The following LYPD6 variants were observed in gnomAD, a reference collection of about 807,000 sequenced individuals.
LYPD6 encodes the protein ly6/PLAUR domain-containing protein 6.
In LYPD6, 15 loss-of-function variants were observed where a neutral mutation model predicts 22.7. That is an observed-to-expected ratio of 0.66 (90% CI 0.44 to 1.02). LYPD6 has a LOEUF of 1.02. Ranked by LOEUF, LYPD6 falls within the 50% of genes least tolerant of loss-of-function variation. The pLI, the probability that LYPD6 is intolerant of heterozygous loss-of-function variation, is 0.00. For missense variants in LYPD6, 189 were observed against 208.4 expected (o/e 0.91, Z 0.57); for synonymous variants, 72 against 77.5 (o/e 0.93, Z 0.37).
chr2:149,357,607 A>G (rs1003961177), intron 1 of LYPD6, among the ~76,000 whole-genome samples: 3 of 152,152 alleles, frequency 2.0e-5, no homozygotes, highest in Admixed American at 6.5e-5. Flanking sequence ...TAATCTCACT[A>G]CAGCATGAAC....
chr2:149,480,854 AAAGT>A, the LYPD6 span, among the ~76,000 whole-genome samples: 2 of 152,172 alleles, frequency 1.3e-5, no homozygotes, highest in African/African-American at 4.8e-5. Context: ...GTCATGGAGC[AAAGT>A]AAGAATATAA....
intron 1 of LYPD6, among the ~76,000 whole-genome samples, chr2:149,402,416 C>A (rs1384123556): frequency 6.6e-6 from 1 of 152,152 alleles, no homozygotes; most frequent in Non-Finnish European, 1.5e-5. Context: ...AGTGGGATTG[C>A]TGGATCAAAT....
chr2:149,435,419 C>A (rs1252207497), intron 1 of LYPD6, among the ~76,000 whole-genome samples: 1 of 152,216 alleles, frequency 6.6e-6, no homozygotes, highest in East Asian at 1.9e-4. Flanking sequence ...GACTCTCAAA[C>A]TGAGCCCTGC....
chr2:149,452,037 T>C (rs1006309763), intron 3 of LYPD6, among the ~76,000 whole-genome samples: 8 of 152,134 alleles, frequency 5.3e-5, no homozygotes, highest in African/African-American at 1.9e-4. Flanking sequence ...GCTGAGAAGA[T>C]TGCAGTAGCT....
chr2:149,381,392 C>T (rs568510161), intron 1 of LYPD6, among the ~76,000 whole-genome samples: 1 of 152,056 alleles, frequency 6.6e-6, no homozygotes, highest in Admixed American at 6.6e-5. Flanking sequence ...GGTCTGTTGA[C>T]GAGGTGGCCC....
intron 3 of LYPD6, among the ~76,000 whole-genome samples, chr2:149,453,501 T>C (rs1434542356): frequency 1.5e-4 from 23 of 152,228 alleles, no homozygotes; most frequent in Non-Finnish European, 1.8e-4. Flanking sequence ...ACTGCTGATA[T>C]ATAATCAGAA....
intron 1 of LYPD6, among the ~76,000 whole-genome samples, chr2:149,397,397 A>G (rs1682450493): frequency 6.6e-6 from 1 of 152,168 alleles, no homozygotes; most frequent in Admixed American, 6.5e-5. Flanking sequence ...CTGCTAACTC[A>G]AGGTTCCCAG....
intron 4 of LYPD6, among the ~76,000 whole-genome samples, chr2:149,469,747 A>G (rs901268633): frequency 2.0e-5 from 3 of 152,132 alleles, no homozygotes; most frequent in Non-Finnish European, 4.4e-5. Context: ...ACCAAGGAGA[A>G]AGTTAAGGAT....
chr2:149,442,854 T>C (rs1683598901), intron 2 of LYPD6, among the ~76,000 whole-genome samples: 1 of 152,154 alleles, frequency 6.6e-6, no homozygotes, highest in African/African-American at 2.4e-5. Flanking sequence ...CACTAATTGG[T>C]ATTTCCTGCC....
At chr2:149,470,587 T>TG in intron 4 of LYPD6, 96 bp from the exon 5 acceptor site, 1 of 1,031,698 alleles carries the variant, frequency 9.7e-7, no homozygotes. Context: ...AATTTTTACT[T>TG]GCATCTTGCC....
At position 149,458,193 on chromosome 2, in the gene LYPD6, G is replaced by T. The variant is rs1681008697; in HGVS notation, c.217+9046G>T. On this transcript the variant is annotated intron_variant, in intron 3 of 4. Transcript: ENST00000334166. ...TCTGCTTGGGATTGTGTCAGAGAAG[G>T]ACAAGTAAAGGTGACACTTGTCCCT... Among the ~76,000 whole-genome samples, 2 of 152,128 alleles carry T rather than the reference G, an allele frequency of 1.3e-5. 1 individual carries two copies. The highest frequency in any genetic ancestry group is 4.1e-4 in the South Asian group (2 of 4,826).
intron 1 of LYPD6, among the ~76,000 whole-genome samples, chr2:149,403,101 G>A (rs2105111289): frequency 6.6e-6 from 1 of 152,162 alleles, no homozygotes; most frequent in East Asian, 1.9e-4. Context: ...CGGTGTATAT[G>A]TGCCACATTT....
At chr2:149,392,301 C>T (rs952576878) in intron 1 of LYPD6, among the ~76,000 whole-genome samples, 3 of 152,178 alleles carry the variant, frequency 2.0e-5, no homozygotes, top group African/African-American at 7.2e-5. Flanking sequence ...CAGTACATAG[C>T]ATAATGGTGG....
chr2:149,434,919 CAAAA>C (rs1207533236), intron 1 of LYPD6, among the ~76,000 whole-genome samples: 10 of 151,318 alleles, frequency 6.6e-5, no homozygotes, highest in African/African-American at 2.4e-4. Flanking sequence ...ACCTAAAAAA[CAAAA>C]CAACAACAAC....
chr2:149,342,488 T>G (rs1404882248), intron 1 of LYPD6, among the ~76,000 whole-genome samples: 5 of 152,210 alleles, frequency 3.3e-5, no homozygotes, highest in African/African-American at 9.7e-5. Context: ...CAGCATATGT[T>G]GAATGTATTT....
At chr2:149,366,166 T>A (rs924629045) in intron 1 of LYPD6, among the ~76,000 whole-genome samples, 6 of 152,222 alleles carry the variant, frequency 3.9e-5, no homozygotes, top group Non-Finnish European at 8.8e-5. Flanking sequence ...TATCTCCACC[T>A]TTCACCCACT....
At chr2:149,338,908 A>G (rs1048030564) in intron 1 of LYPD6, among the ~76,000 whole-genome samples, 1 of 152,198 alleles carries the variant, frequency 6.6e-6, no homozygotes, top group Non-Finnish European at 1.5e-5. Flanking sequence ...TTGTTTTTAC[A>G]TAAAATCTGG....
chr2:149,431,845 A>G (rs1683321313), intron 1 of LYPD6, among the ~76,000 whole-genome samples: 2 of 152,204 alleles, frequency 1.3e-5, no homozygotes, highest in South Asian at 2.1e-4. Context: ...ATGGGAGAGG[A>G]TATTTGCAAA....
chr2:149,369,955 C>T lies in LYPD6; in HGVS notation c.-72+39233C>T, dbSNP rs561509333. ...GGGCATAACTGATGGTTGAGATTCC[C>T]GAGAAATCAAGAGGGAACAGAGGTG... On this transcript the variant is annotated intron_variant, in intron 1 of 4. Transcript: ENST00000334166. 8.6e-5 allele frequency among the ~76,000 whole-genome samples: 13 copies of T among 151,932 alleles called. 1 individual carries two copies. In the South Asian group the frequency reaches 1.0e-3, roughly 12 times the overall value.
Sources: allele counts gnomAD v4.1 joint callset (sites outside exome capture counted in the v4.1 genomes callset), GRCh38; gene constraint gnomAD v4.1.1; transcripts MANE v1.5; gene names NCBI Gene and HGNC (gene_info 2026-07-23, HGNC 2026-07-21).